LBHD2: variants seen among roughly 807,000 people sequenced by gnomAD.
LBHD2 encodes LBH domain-containing protein 2.
At chr14:103,088,731 T>A (rs568897410) in intron 3 of LBHD2, among the ~76,000 whole-genome samples, 2 of 152,324 alleles carry the variant, frequency 1.3e-5, no homozygotes, top group African/African-American at 4.8e-5. Context: ...CGGTGGCTCA[T>A]GCCTATAATC....
Position 103,086,147 on chromosome 14 carries a change from G to A in LBHD2, c.69+66G>A, listed in dbSNP as rs117185273. ...CCTCAAACTCTGTCCCATGACTTGG[G>A]GCATGCCTTGCCTTGCTGCTGGCCT... On this transcript the variant is annotated intron_variant, in intron 2 of 3. Coordinates refer to ENST00000634353, the MANE Select transcript of LBHD2 (RefSeq NM_001330236.2). 8.5e-3 allele frequency: 3,391 copies of A among 398,556 alleles called. 115 individuals carry two copies. Among genetic ancestry groups the A allele is most frequent in the Admixed American group, 0.07 (1,581 of 22,736 alleles). 24.7% of individuals were successfully genotyped at this position (398,556 alleles called of 1,614,324 possible). A position where few individuals can be genotyped will look rare whatever the true frequency, so the allele number is the denominator to read the frequency against.
chr14:103,085,149 C>T (rs1253560947), intron 1 of LBHD2, among the ~76,000 whole-genome samples: 1 of 152,134 alleles, frequency 6.6e-6, no homozygotes, highest in Admixed American at 6.5e-5. Flanking sequence ...CACCCTCACC[C>T]ACCCCAGCAG....
chr14:103,084,964 G>A (rs919955657), intron 1 of LBHD2, among the ~76,000 whole-genome samples: 5 of 152,136 alleles, frequency 3.3e-5, no homozygotes, highest in Non-Finnish European at 7.4e-5. Flanking sequence ...TTGGGCAGAG[G>A]AGCCAGAGGT....
chr14:103,084,878 A>T (rs1486677452), intron 1 of LBHD2, among the ~76,000 whole-genome samples: 2 of 151,790 alleles, frequency 1.3e-5, no homozygotes, highest in Admixed American at 6.6e-5. Context: ...GGGTCCTGGG[A>T]TGGGATCCAG....
intron 2 of LBHD2, among the ~76,000 whole-genome samples, chr14:103,086,848 G>A (rs1404027141): frequency 1.3e-5 from 2 of 152,226 alleles, no homozygotes; most frequent in Non-Finnish European, 2.9e-5. Flanking sequence ...GTCATATAGG[G>A]ACCAGTCTGG....
rs902907645 is a variant in LBHD2 at position 103,089,706 on chromosome 14, C to T, written c.236C>T (p.Pro79Leu). Reference protein sequence around the residue: ...SQSRAAAAPSPSLPGEPGKAA... With the variant: ...SQSRAAAAPSLSLPGEPGKAA... Reference sequence around the variant, plus strand: ...CTTTATGTTTCTGCAGCCCCCTCGCCGAGTCTGCCCGGAGAACCAGGGAAA... The same window carrying T: ...CTTTATGTTTCTGCAGCCCCCTCGCTGAGTCTGCCCGGAGAACCAGGGAAA... Residue 79 changes from proline to leucine, a missense_variant, in exon 4 of 4, where the codon CCG becomes CTG. Pro to Leu is a moderately conservative substitution (Grantham distance 98). Transcript: ENST00000634353. 4.0e-5 allele frequency: 16 copies of T among 398,564 alleles called. No individual in the cohort carries two copies. The highest frequency in any genetic ancestry group is 2.6e-4 in the Admixed American group (6 of 22,720). 24.7% of individuals were successfully genotyped at this position (398,564 alleles called of 1,614,324 possible). A position where few individuals can be genotyped will look rare whatever the true frequency, so the allele number is the denominator to read the frequency against.
At chr14:103,085,456 AGG>A (rs10571119) in intron 1 of LBHD2, among the ~76,000 whole-genome samples, 125,704 of 152,068 alleles carry the variant, frequency 0.83, 52,212 homozygotes, top group African/African-American at 0.89. Context: ...GGCCAAGTGC[AGG>A]GGCAGGACTT....
chr14:103,087,905 A>G (rs1006908213), intron 2 of LBHD2, among the ~76,000 whole-genome samples, 180 bp from the exon 3 acceptor site: 2 of 152,020 alleles, frequency 1.3e-5, no homozygotes. Context: ...GGGACTGGGT[A>G]GGGCCTGGGA....
At chr14:103,085,733 C>G (rs1889623680) in intron 1 of LBHD2, among the ~76,000 whole-genome samples, 1 of 152,260 alleles carries the variant, frequency 6.6e-6, no homozygotes, top group African/African-American at 2.4e-5. Flanking sequence ...CAGACTTCTT[C>G]CAGGAAGCCT....
At chr14:103,085,767 T>A (rs1011426881) in intron 1 of LBHD2, among the ~76,000 whole-genome samples, 4 of 152,232 alleles carry the variant, frequency 2.6e-5, no homozygotes, top group African/African-American at 9.6e-5. Flanking sequence ...CTCCTGCCTG[T>A]GCCCTCTTGC....
At chr14:103,086,881 C>T (rs1889642351) in intron 2 of LBHD2, among the ~76,000 whole-genome samples, 1 of 152,202 alleles carries the variant, frequency 6.6e-6, no homozygotes, top group Non-Finnish European at 1.5e-5. Flanking sequence ...CAGACACAGC[C>T]TCCCAGGCAG....
At position 103,088,071 on chromosome 14, in the gene LBHD2, C is replaced by T; in HGVS notation, c.70-14C>T. 2.5e-6 allele frequency: 1 copy of T among 398,886 alleles called. No homozygotes were observed. The highest frequency in any genetic ancestry group is 4.4e-6 in the Non-Finnish European group (1 of 226,256). 24.7% of individuals were successfully genotyped at this position (398,886 alleles called of 1,614,324 possible). On this transcript the variant is annotated splice_polypyrimidine_tract_variant and intron_variant, in intron 2 of 3. Coordinates refer to ENST00000634353, the MANE Select transcript of LBHD2 (RefSeq NM_001330236.2). ...GGCCTGGCATGGCCATGATCCTGCCCATCCTCCTTGCAGGCTGTGGCAGGT... is the reference window on the plus strand; with the variant it reads ...GGCCTGGCATGGCCATGATCCTGCCTATCCTCCTTGCAGGCTGTGGCAGGT...
In LBHD2 at chr14:103,088,261, G is replaced by C. The variant is rs1465137002; in HGVS notation, c.226+20G>C. ...CTGCTGGTAAGTGAGGGTGCCTGTG[G>C]GGGTGCTGAGAGGAGGAAGTGGCCA... On this transcript the variant is annotated intron_variant, in intron 3 of 3. Coordinates refer to ENST00000634353, the MANE Select transcript of LBHD2 (RefSeq NM_001330236.2). 4 of 398,860 alleles carry C rather than the reference G, an allele frequency of 1.0e-5. No individual in the cohort carries two copies. Among genetic ancestry groups the C allele is most frequent in the Middle Eastern group, 6.2e-4 (1 of 1,612 alleles). The allele number at this position is 398,860 out of a possible 1,614,324, so 24.7% of individuals were successfully genotyped here. A position where few individuals can be genotyped will look rare whatever the true frequency, so the allele number is the denominator to read the frequency against.
At chr14:103,084,438 G>C (rs1889607916) in intron 1 of LBHD2, 91 bp downstream of exon 1, 1 of 152,288 alleles carries the variant, frequency 6.6e-6, no homozygotes, top group South Asian at 2.1e-4. Context: ...GTGGGTTCGC[G>C]GGGTCAGCCC....
intron 3 of LBHD2, among the ~76,000 whole-genome samples, chr14:103,089,292 A>T (rs890274380): frequency 2.6e-5 from 4 of 152,036 alleles, no homozygotes; most frequent in Non-Finnish European, 5.9e-5. Context: ...CTGGCCAGAA[A>T]ACCCCCTTTT....
chr14:103,085,989 T>TAGTGGCGC lies in LBHD2; in HGVS notation c.-16_-9dup. ...TTCTGCTCCCAGTCCTCGTGCAGCT[T>TAGTGGCGC]AGTGGCGCAGTGGCGGCAGCAGCAT... On this transcript the variant is annotated 5_prime_UTR_variant, in exon 2 of 4. Coordinates refer to ENST00000634353, the MANE Select transcript of LBHD2 (RefSeq NM_001330236.2). 2.5e-6 allele frequency: 1 copy of TAGTGGCGC among 398,598 alleles called. No individual in the cohort carries two copies. Among genetic ancestry groups the TAGTGGCGC allele is most frequent in the Non-Finnish European group, 4.4e-6 (1 of 226,096 alleles). The allele number at this position is 398,598 out of a possible 1,614,324, so 24.7% of individuals were successfully genotyped here. A position where few individuals can be genotyped will look rare whatever the true frequency, so the allele number is the denominator to read the frequency against.
intron 2 of LBHD2, among the ~76,000 whole-genome samples, chr14:103,087,287 G>C (rs770614476): frequency 6.6e-6 from 1 of 152,262 alleles, no homozygotes; most frequent in Non-Finnish European, 1.5e-5. Flanking sequence ...GGGCCATTCA[G>C]CTAAGTCCCC....
intron 1 of LBHD2, among the ~76,000 whole-genome samples, chr14:103,085,510 G>C (rs548594418): frequency 2.0e-5 from 3 of 152,344 alleles, no homozygotes; most frequent in Non-Finnish European, 4.4e-5. Flanking sequence ...CTGGCCCGGG[G>C]TGTGCAGGGT....
At chr14:103,089,455 C>T (rs1429558242) in intron 3 of LBHD2, among the ~76,000 whole-genome samples, 1 of 152,136 alleles carries the variant, frequency 6.6e-6, no homozygotes, top group Admixed American at 6.5e-5. Context: ...CTTGAGTCTG[C>T]CCTGGACTTC....
Sources: gnomAD v4.1 joint callset for allele counts (sites outside exome capture counted in the v4.1 genomes callset) on GRCh38, gnomAD v4.1.1 for gene constraint, MANE v1.5 for transcripts, NCBI Gene and HGNC (gene_info 2026-07-23, HGNC 2026-07-21) for gene names.